Variants in GRIK4 observed in about 807,000 individuals in gnomAD.
GRIK4 encodes the protein glutamate ionotropic receptor kainate type subunit 4.
GRIK4 carries 40 observed loss-of-function variants against 104.9 expected under a neutral mutation model. The ratio of observed to expected loss-of-function variants is 0.38; its 90% CI spans 0.30 to 0.50. GRIK4 has a LOEUF of 0.50. Among genes scored for constraint, GRIK4 ranks in the 20% least tolerant of loss-of-function variants. The pLI is 0.93. For synonymous variants in GRIK4, 485 were observed against 524.9 expected, an observed-to-expected ratio of 0.92 and a Z score of 1.04; for missense variants, 1,047 against 1,308.1, an observed-to-expected ratio of 0.80 and a Z score of 3.08.
chr11:120,836,141 G>A (rs1239816385), intron 7 of GRIK4, among the ~76,000 whole-genome samples: 1 of 152,216 alleles, frequency 6.6e-6, no homozygotes, highest in Non-Finnish European at 1.5e-5. Context: ...AGAGAGTTGT[G>A]TTTGTGGTTC....
chr11:120,923,705 G>A (rs572963099), intron 13 of GRIK4, among the ~76,000 whole-genome samples: 8 of 152,242 alleles, frequency 5.3e-5, no homozygotes, highest in South Asian at 2.1e-4. Context: ...GAGCCACTGC[G>A]CCCGGCCCCA....
intron 1 of GRIK4, among the ~76,000 whole-genome samples, chr11:120,570,177 C>T (rs1423696502): frequency 1.3e-5 from 2 of 152,192 alleles, no homozygotes; most frequent in East Asian, 1.9e-4. Flanking sequence ...TGGGGAACCT[C>T]GCTCTACTGC....
At chr11:120,744,802 G>A (rs1951410666) in intron 3 of GRIK4, among the ~76,000 whole-genome samples, 4 of 152,156 alleles carry the variant, frequency 2.6e-5, no homozygotes, top group Admixed American at 2.0e-4. Flanking sequence ...CTTTGGAAGT[G>A]CAAGGGGAAA....
At chr11:120,632,070 G>A (rs1055968547) in intron 1 of GRIK4, among the ~76,000 whole-genome samples, 2 of 152,144 alleles carry the variant, frequency 1.3e-5, no homozygotes, top group Non-Finnish European at 2.9e-5. Flanking sequence ...CTTGAAATTC[G>A]TGTGTTGAAT....
At chr11:120,599,874 C>A (rs1054439169) in intron 1 of GRIK4, among the ~76,000 whole-genome samples, 2 of 152,200 alleles carry the variant, frequency 1.3e-5, no homozygotes, top group Admixed American at 6.5e-5. Context: ...CACAAGGGAA[C>A]CCCTGCCCCA....
Position 120,863,096 on chromosome 11 carries a change from G to A in GRIK4, c.906+976G>A, listed in dbSNP as rs373149212. ...ATATTTTTAACCTCTGTTCCACTGT[G>A]CATCTCTCTAGGACTGTCATTTCCT... On this transcript the variant is annotated intron_variant, in intron 9 of 20. Transcript: ENST00000527524. Among the ~76,000 whole-genome samples, 9 of 152,200 alleles carry A rather than the reference G, an allele frequency of 5.9e-5. No homozygotes were observed. In the East Asian group the frequency reaches 9.6e-4, roughly 16 times the overall value.
At chr11:120,583,047 C>T (rs1282731481) in intron 1 of GRIK4, among the ~76,000 whole-genome samples, 1 of 152,184 alleles carries the variant, frequency 6.6e-6, no homozygotes, top group Non-Finnish European at 1.5e-5. Context: ...AATGGCCATT[C>T]AGACTGGTGT....
chr11:120,740,612 T>C (rs1260803230), intron 3 of GRIK4, among the ~76,000 whole-genome samples: 1 of 152,170 alleles, frequency 6.6e-6, no homozygotes, highest in Non-Finnish European at 1.5e-5. Flanking sequence ...GGAGGAACTA[T>C]CTCTGGCATC....
chr11:120,612,369 T>G (rs1330431219), intron 1 of GRIK4, among the ~76,000 whole-genome samples: 2 of 152,220 alleles, frequency 1.3e-5, no homozygotes, highest in Non-Finnish European at 2.9e-5. Context: ...CATTATCCAT[T>G]CTACATTCCG....
intron 1 of GRIK4, among the ~76,000 whole-genome samples, chr11:120,522,346 G>C (rs1259355003): frequency 6.6e-6 from 1 of 151,710 alleles, no homozygotes; most frequent in Admixed American, 6.6e-5. Flanking sequence ...TTTTGAGATG[G>C]AGTCTCGCTC....
chr11:120,682,228 G>A (rs1191541366), intron 3 of GRIK4, among the ~76,000 whole-genome samples: 1 of 152,188 alleles, frequency 6.6e-6, no homozygotes, highest in African/African-American at 2.4e-5. Flanking sequence ...GGAAAGAAAT[G>A]CATTTGGTGG....
chr11:120,797,155 A>G (rs1952534939), intron 3 of GRIK4, among the ~76,000 whole-genome samples: 1 of 152,058 alleles, frequency 6.6e-6, no homozygotes, highest in Non-Finnish European at 1.5e-5. Context: ...GGCCCCATGG[A>G]TGGAAAGAGC....
At chr11:120,582,014 A>G (rs545956825) in intron 1 of GRIK4, among the ~76,000 whole-genome samples, 1 of 152,060 alleles carries the variant, frequency 6.6e-6, no homozygotes, top group Non-Finnish European at 1.5e-5. Flanking sequence ...TCACTGTGTT[A>G]GCCAGGATGG....
At chr11:120,592,821 A>G (rs986118728) in intron 1 of GRIK4, among the ~76,000 whole-genome samples, 1 of 152,042 alleles carries the variant, frequency 6.6e-6, no homozygotes, top group Non-Finnish European at 1.5e-5. Context: ...CCAGCCCCTC[A>G]CCTTCTCAGG....
At chr11:120,741,856 C>T (rs1221257315) in intron 3 of GRIK4, among the ~76,000 whole-genome samples, 1 of 152,108 alleles carries the variant, frequency 6.6e-6, no homozygotes, top group Admixed American at 6.6e-5. Flanking sequence ...CCAGTGGGCC[C>T]CTGTGGGGTA....
intron 3 of GRIK4, among the ~76,000 whole-genome samples, chr11:120,795,596 TG>T (rs1415835176): frequency 6.6e-6 from 1 of 152,208 alleles, no homozygotes; most frequent in Admixed American, 6.5e-5. Flanking sequence ...GAATCAGGTG[TG>T]GTCCTCACCC....
intron 1 of GRIK4, among the ~76,000 whole-genome samples, chr11:120,594,589 C>T (rs549486269): frequency 1.4e-4 from 22 of 152,360 alleles, no homozygotes; most frequent in African/African-American, 4.3e-4. Flanking sequence ...CCAGCCTCCT[C>T]TTGCACTGTC....
intron 3 of GRIK4, among the ~76,000 whole-genome samples, chr11:120,760,510 A>G (rs1446625404): frequency 6.6e-6 from 1 of 151,696 alleles, no homozygotes; most frequent in African/African-American, 2.4e-5. Context: ...GGTTTGTTAC[A>G]TAGGTATACA....
chr11:120,602,349 C>T (rs776839482), intron 1 of GRIK4, among the ~76,000 whole-genome samples: 38 of 152,172 alleles, frequency 2.5e-4, no homozygotes, highest in Non-Finnish European at 4.7e-4. Context: ...GAATTGATTA[C>T]CATCCTGCTG....
Sources: allele counts gnomAD v4.1 joint callset (sites outside exome capture counted in the v4.1 genomes callset), GRCh38; gene constraint gnomAD v4.1.1; transcripts MANE v1.5; gene names NCBI Gene and HGNC (gene_info 2026-07-23, HGNC 2026-07-21).